The following SMYD3 variants were observed in gnomAD, a reference collection of about 807,000 sequenced individuals.
SMYD3 encodes histone-lysine N-methyltransferase SMYD3.
A neutral mutation model predicts 57.7 loss-of-function variants in SMYD3; 36 were observed. The observed-to-expected ratio is 0.62, with a 90% CI of 0.48 to 0.82. The LOEUF (loss-of-function observed/expected upper bound fraction) is 0.82, where lower values mean the gene tolerates loss of function less well. Ranked by LOEUF, SMYD3 falls within the 40% of genes least tolerant of loss-of-function variation. SMYD3 has a pLI of 0.00. For synonymous variants in SMYD3, 211 were observed against 195.0 expected (o/e 1.08, Z -0.68); for missense variants, 515 against 538.8 (o/e 0.96, Z 0.44).
chr1:246,391,916 C>A lies in SMYD3; in HGVS notation c.165-36822G>T, dbSNP rs1396293196. Among the ~76,000 whole-genome samples, 3 of 152,184 alleles carry A rather than the reference C, an allele frequency of 2.0e-5. No individual in the cohort carries two copies. In the East Asian group the frequency reaches 5.8e-4, roughly 29 times the overall value. ...CATTCAATGTCTTCAAATTCCTATG[C>A]CTTTGAACATACCCTTGCACTATCC... On this transcript the variant is annotated intron_variant, in intron 1 of 11. Transcript: ENST00000490107.
intron 5 of SMYD3, among the ~76,000 whole-genome samples, chr1:246,294,916 T>A (rs2064764126): frequency 6.6e-6 from 1 of 152,200 alleles, no homozygotes; most frequent in African/African-American, 2.4e-5. Context: ...CCTTTCTGCC[T>A]ACAAATGTCT....
At chr1:246,405,539 G>A (rs538619329) in intron 1 of SMYD3, among the ~76,000 whole-genome samples, 1 of 152,246 alleles carries the variant, frequency 6.6e-6, no homozygotes, top group South Asian at 2.1e-4. Context: ...TGGTCCACAG[G>A]CTTCCAGGGT....
rs139921260 is a variant in SMYD3, at chr1:246,158,092, T to G, written c.531+169109A>C. Among the ~76,000 whole-genome samples the G allele has an allele frequency of 3.0e-3, 461 of 152,332 alleles. 2 individuals are homozygous for G. Among genetic ancestry groups the G allele is most frequent in the African/African-American group, 0.01 (425 of 41,584 alleles). On this transcript the variant is annotated intron_variant, in intron 5 of 11. Transcript: ENST00000490107. ...AGCTGGGGAAGCACAGGTTTCAGAA[T>G]GAATTATTAAAGCCTGCACTGATCC... is the stretch of plus-strand genomic sequence containing the variant.
chr1:246,360,256 CCTAA>C (rs2065967333), intron 1 of SMYD3, among the ~76,000 whole-genome samples: 1 of 151,970 alleles, frequency 6.6e-6, no homozygotes. Flanking sequence ...TAGGAATACA[CCTAA>C]CTAAGGAGGT....
Position 246,150,251 on chromosome 1 carries a change from T to C in SMYD3, c.531+176950A>G, listed in dbSNP as rs1346350032. Among the ~76,000 whole-genome samples, 10 of 152,358 alleles carry C rather than the reference T, an allele frequency of 6.6e-5. No homozygotes were observed. The East Asian group carries it at 1.5e-3, about 24-fold the overall frequency. On this transcript the variant is annotated intron_variant, in intron 5 of 11. Transcript: ENST00000490107. ...TATAATATTCCATTCTTGTGTACTA[T>C]AGACTATAATATTCCATTCTCTTTC...
At position 245,934,763 on chromosome 1, in the gene SMYD3, T is replaced by TAA. The variant is rs112582969; in HGVS notation, c.532-4828_532-4827dup. Among the ~76,000 whole-genome samples the TAA allele has an allele frequency of 1.7e-4, 25 of 150,702 alleles. No individual in the cohort carries two copies. The East Asian group carries it at 4.7e-3, about 28-fold the overall frequency. ...TTTCGGCATCTGTTTCAATTTCAATTAAAAAAAAAATCCATAATAGAAACA... is the reference window on the plus strand; with the variant it reads ...TTTCGGCATCTGTTTCAATTTCAATTAAAAAAAAAAAATCCATAATAGAAACA... On this transcript the variant is annotated intron_variant, in intron 5 of 11. Coordinates refer to ENST00000490107, the MANE Select transcript of SMYD3 (RefSeq NM_001167740.2).
chr1:246,240,658 T>A (rs61841265), intron 5 of SMYD3, among the ~76,000 whole-genome samples: 6 of 152,080 alleles, frequency 3.9e-5, no homozygotes, highest in Admixed American at 3.9e-4. Context: ...GGCAATAGCA[T>A]TGAATCTACA....
At chr1:245,828,657 C>A (rs1179537298) in intron 10 of SMYD3, among the ~76,000 whole-genome samples, 2 of 151,302 alleles carry the variant, frequency 1.3e-5, no homozygotes, top group African/African-American at 4.9e-5. Flanking sequence ...AAACCTGATG[C>A]AGATAGAAGA....
chr1:246,013,418 G>A (rs941854432), intron 5 of SMYD3, among the ~76,000 whole-genome samples: 4 of 152,170 alleles, frequency 2.6e-5, no homozygotes, highest in Non-Finnish European at 1.5e-5. Flanking sequence ...AACCTCAAGT[G>A]ATCCACCTGC....
chr1:245,879,665 G>A (rs564201355), intron 8 of SMYD3, among the ~76,000 whole-genome samples: 31 of 152,290 alleles, frequency 2.0e-4, no homozygotes, highest in African/African-American at 7.0e-4. Flanking sequence ...TTTAATTCCA[G>A]CTGAACTATA....
At chr1:245,872,707 G>T (rs1325201049) in intron 8 of SMYD3, among the ~76,000 whole-genome samples, 2 of 152,182 alleles carry the variant, frequency 1.3e-5, no homozygotes, top group African/African-American at 4.8e-5. Flanking sequence ...TGCCCATTTA[G>T]CTTTAGATCT....
chr1:246,005,632 A>G (rs959003977), intron 5 of SMYD3, among the ~76,000 whole-genome samples: 12 of 152,234 alleles, frequency 7.9e-5, no homozygotes, highest in Admixed American at 6.5e-5. Flanking sequence ...AGAGAGTCAT[A>G]TGGGCATAGT....
intron 5 of SMYD3, among the ~76,000 whole-genome samples, chr1:246,129,495 C>T (rs2061556471): frequency 6.6e-6 from 1 of 151,946 alleles, no homozygotes; most frequent in Non-Finnish European, 1.5e-5. Context: ...TTTGGTGAAA[C>T]TATCTTTGAG....
intron 1 of SMYD3, among the ~76,000 whole-genome samples, chr1:246,440,683 A>C (rs988197995): frequency 2.0e-5 from 3 of 152,220 alleles, no homozygotes; most frequent in Non-Finnish European, 4.4e-5. Flanking sequence ...GATGTGACTA[A>C]AAAGGAAAGC....
Position 245,927,979 on chromosome 1 carries a change from C to T in SMYD3, c.654G>A (p.Gly218=), listed in dbSNP as rs1355001656. ...GGACTGCTCGCAGTAAGAGGTGGGG[C>T]CCATTGAACACAATCGAACAGTTGG... ...CDPNCSIVFN[G]PHLLLRAVRD... is the part of the protein sequence containing the mutation. The change falls in exon 7 of 12, where the codon GGG becomes GGA. Residue 218 remains glycine (G), a synonymous_variant. Transcript: ENST00000490107. The T allele has an allele frequency of 1.9e-6, 3 of 1,612,890 alleles. No homozygotes were observed. In the Admixed American group the frequency reaches 5.0e-5, roughly 27 times the overall value.
intron 5 of SMYD3, among the ~76,000 whole-genome samples, chr1:245,959,752 T>C (rs964295289): frequency 2.6e-5 from 4 of 152,144 alleles, no homozygotes; most frequent in African/African-American, 9.7e-5. Context: ...AAAATCTCTG[T>C]TTTTTTAGTT....
intron 5 of SMYD3, among the ~76,000 whole-genome samples, chr1:246,035,003 G>C (rs2148275187): frequency 6.6e-6 from 1 of 152,140 alleles, no homozygotes; most frequent in Middle Eastern, 3.4e-3. Flanking sequence ...TAGTGTTCCG[G>C]CCTCAAAAAT....
At chr1:245,784,603 A>G (rs2046960184) in intron 10 of SMYD3, among the ~76,000 whole-genome samples, 1 of 152,134 alleles carries the variant, frequency 6.6e-6, no homozygotes, top group Non-Finnish European at 1.5e-5. Flanking sequence ...ACTATCAACA[A>G]GAGTACTTAA....
chr1:246,074,762 C>A (rs1257304616), intron 5 of SMYD3, among the ~76,000 whole-genome samples: 1 of 152,164 alleles, frequency 6.6e-6, no homozygotes, highest in Non-Finnish European at 1.5e-5. Context: ...GCCTGAATCT[C>A]TGGGTGACCC....
Sources: allele counts gnomAD v4.1 joint callset (sites outside exome capture counted in the v4.1 genomes callset), GRCh38; gene constraint gnomAD v4.1.1; transcripts MANE v1.5; gene names NCBI Gene and HGNC (gene_info 2026-07-23, HGNC 2026-07-21).